The following CFDP1 variants were observed in gnomAD, a reference collection of about 807,000 sequenced individuals.
CFDP1 encodes chromatin remodeling protein CFDP1.
Under a neutral mutation model 40.1 loss-of-function variants are expected in CFDP1, and 31 were observed. That is an observed-to-expected ratio of 0.77 (90% CI 0.58 to 1.04). The LOEUF is 1.04. Ranked by LOEUF, CFDP1 falls within the 50% of genes least tolerant of loss-of-function variation. The pLI is 0.00. For missense variants in CFDP1, 423 were observed against 343.4 expected (o/e 1.23, Z -1.83); for synonymous variants, 167 against 120.0 (o/e 1.39, Z -2.56).
intron 1 of CFDP1, among the ~76,000 whole-genome samples, chr16:75,416,611 T>G (rs2079208852): frequency 6.6e-6 from 1 of 151,812 alleles, no homozygotes. Context: ...AATACAAAAA[T>G]TAGCTGGGCT....
intron 1 of CFDP1, among the ~76,000 whole-genome samples, chr16:75,433,020 C>A (rs565232012): frequency 1.3e-5 from 2 of 152,330 alleles, no homozygotes; most frequent in Admixed American, 1.3e-4. Context: ...TCCCTAGCGA[C>A]AAGGGGCCGT....
At chr16:75,313,578 G>A (rs145772952) in intron 5 of CFDP1, among the ~76,000 whole-genome samples, 70 of 152,282 alleles carry the variant, frequency 4.6e-4, no homozygotes, top group African/African-American at 1.6e-3. Flanking sequence ...TGATCTGCCC[G>A]CCTGGGTCTC....
At chr16:75,380,508 A>C (rs1204634020) in intron 5 of CFDP1, among the ~76,000 whole-genome samples, 1 of 152,084 alleles carries the variant, frequency 6.6e-6, no homozygotes, top group East Asian at 1.9e-4. Context: ...ACTAGAACTA[A>C]GGCTAAAAGT....
At chr16:75,306,713 T>G (rs2078259401) in intron 5 of CFDP1, among the ~76,000 whole-genome samples, 1 of 152,200 alleles carries the variant, frequency 6.6e-6, no homozygotes, top group South Asian at 2.1e-4. Flanking sequence ...CTGTGCTATC[T>G]CGCCTCCAGA....
chr16:75,327,361 C>G (rs2078409968), intron 5 of CFDP1, among the ~76,000 whole-genome samples: 1 of 152,040 alleles, frequency 6.6e-6, no homozygotes, highest in East Asian at 1.9e-4. Context: ...AAGGCAGTCC[C>G]AGAACAAGAG....
chr16:75,379,023 G>A (rs1416379048), intron 5 of CFDP1, among the ~76,000 whole-genome samples: 1 of 151,642 alleles, frequency 6.6e-6, no homozygotes, highest in African/African-American at 2.4e-5. Flanking sequence ...AGTCTCAAGG[G>A]AATTAAAAAA....
At chr16:75,421,272 A>G (rs2151595809) in intron 1 of CFDP1, among the ~76,000 whole-genome samples, 1 of 152,280 alleles carries the variant, frequency 6.6e-6, no homozygotes, top group Non-Finnish European at 1.5e-5. Context: ...TTCACCCAAT[A>G]AAACCCTGAT....
At chr16:75,372,962 A>G (rs2078764970) in intron 5 of CFDP1, among the ~76,000 whole-genome samples, 1 of 152,238 alleles carries the variant, frequency 6.6e-6, no homozygotes, top group African/African-American at 2.4e-5. Flanking sequence ...TGTAAAAGAA[A>G]AAAATTCAAC....
chr16:75,424,247 C>G (rs1271405009), intron 1 of CFDP1, among the ~76,000 whole-genome samples: 3 of 152,316 alleles, frequency 2.0e-5, no homozygotes, highest in East Asian at 3.9e-4. Context: ...GGATGAATTT[C>G]AGCCATTTGC....
At chr16:75,331,385 G>A (rs935245536) in intron 5 of CFDP1, among the ~76,000 whole-genome samples, 1 of 152,094 alleles carries the variant, frequency 6.6e-6, no homozygotes, top group African/African-American at 2.4e-5. Flanking sequence ...CCAAAGTGCT[G>A]GGATTACAGG....
intron 4 of CFDP1, among the ~76,000 whole-genome samples, chr16:75,410,372 C>T (rs1039543519): frequency 2.0e-5 from 3 of 152,126 alleles, no homozygotes; most frequent in Non-Finnish European, 4.4e-5. Flanking sequence ...AGGGATGTGG[C>T]TCTTACCTAA....
At chr16:75,342,821 G>A (rs114272849) in intron 5 of CFDP1, among the ~76,000 whole-genome samples, 293 of 152,232 alleles carry the variant, frequency 1.9e-3, no homozygotes, top group African/African-American at 6.5e-3. Flanking sequence ...AGAAATTTTT[G>A]GTTGCCACAA....
chr16:75,365,010 T>G (rs1162276150), intron 5 of CFDP1, among the ~76,000 whole-genome samples: 1 of 152,220 alleles, frequency 6.6e-6, no homozygotes, highest in Non-Finnish European at 1.5e-5. Flanking sequence ...AGTTACTTAT[T>G]TGTGACTATA....
At chr16:75,319,383 A>G (rs1267960535) in intron 5 of CFDP1, among the ~76,000 whole-genome samples, 1 of 152,106 alleles carries the variant, frequency 6.6e-6, no homozygotes, top group Non-Finnish European at 1.5e-5. Context: ...CAAAATTCCA[A>G]ATGAGGAGGA....
At chr16:75,320,131 A>T (rs1396683168) in intron 5 of CFDP1, among the ~76,000 whole-genome samples, 1 of 152,234 alleles carries the variant, frequency 6.6e-6, no homozygotes, top group Non-Finnish European at 1.5e-5. Flanking sequence ...TTAATCTGCT[A>T]GCCAGGGGTT....
At chr16:75,431,802 G>A (rs1000560614) in intron 1 of CFDP1, among the ~76,000 whole-genome samples, 17 of 152,116 alleles carry the variant, frequency 1.1e-4, no homozygotes, top group Non-Finnish European at 1.5e-5. Context: ...ACTATACATG[G>A]GTTAAATCAA....
intron 6 of CFDP1, among the ~76,000 whole-genome samples, chr16:75,303,434 G>GA (rs1027744904): frequency 2.7e-5 from 4 of 147,184 alleles, no homozygotes; most frequent in African/African-American, 5.0e-5. Flanking sequence ...TATGTTTAGG[G>GA]AAAAAAAAAC....
intron 5 of CFDP1, among the ~76,000 whole-genome samples, chr16:75,339,822 C>T (rs2078514243): frequency 6.6e-6 from 1 of 152,156 alleles, no homozygotes; most frequent in Admixed American, 6.5e-5. Flanking sequence ...TCAGCACTCA[C>T]CAGGTAGAAG....
intron 5 of CFDP1, among the ~76,000 whole-genome samples, chr16:75,357,392 C>CTA (rs1183320684): frequency 2.6e-5 from 4 of 152,160 alleles, no homozygotes; most frequent in Admixed American, 2.6e-4. Flanking sequence ...GTAGCTGGGA[C>CTA]TACAGGTGTG....
Sources: allele counts gnomAD v4.1 joint callset (sites outside exome capture counted in the v4.1 genomes callset), GRCh38; gene constraint gnomAD v4.1.1; transcripts MANE v1.5; gene names NCBI Gene and HGNC (gene_info 2026-07-23, HGNC 2026-07-21).